The following RMDN2 variants were observed in gnomAD, a reference collection of about 807,000 sequenced individuals.
RMDN2 encodes regulator of microtubule dynamics protein 2.
RMDN2 carries 61 observed loss-of-function variants against 52.8 expected under a neutral mutation model. The observed-to-expected ratio is 1.16, with a 90% CI of 0.94 to 1.43. RMDN2 has a LOEUF of 1.43. Among genes scored for constraint, RMDN2 ranks in the 40% most tolerant of loss-of-function variants. RMDN2 has a pLI of 0.00. For synonymous variants in RMDN2, 180 were observed against 153.1 expected (o/e 1.18, Z -1.30); for missense variants, 592 against 475.3 (o/e 1.25, Z -2.28).
chr2:37,982,352 G>A (rs1167739381), intron 5 of RMDN2, among the ~76,000 whole-genome samples: 1 of 152,102 alleles, frequency 6.6e-6, no homozygotes, highest in East Asian at 1.9e-4. Flanking sequence ...CATTTTATTT[G>A]TCCGAACTCA....
chr2:37,962,273 C>T (rs1263133180), intron 2 of RMDN2, among the ~76,000 whole-genome samples: 1 of 152,232 alleles, frequency 6.6e-6, no homozygotes, highest in Non-Finnish European at 1.5e-5. Flanking sequence ...ACGTTTAAGT[C>T]TGCTGAAGCT....
intron 4 of RMDN2, among the ~76,000 whole-genome samples, chr2:37,980,501 G>A (rs996537510): frequency 1.3e-5 from 2 of 151,938 alleles, no homozygotes; most frequent in Admixed American, 6.5e-5. Flanking sequence ...ACAGGGTTTC[G>A]CCATGTTGGC....
intron 2 of RMDN2, among the ~76,000 whole-genome samples, chr2:37,939,337 C>A (rs562024785): frequency 6.6e-6 from 1 of 151,964 alleles, no homozygotes; most frequent in South Asian, 2.1e-4. Flanking sequence ...GGAATAAGTG[C>A]GGTGTGGTGC....
rs192231429 is a variant in RMDN2, at chr2:37,990,119, G to A, written c.867+503G>A. Among the ~76,000 whole-genome samples the A allele has an allele frequency of 5.3e-4, 77 of 145,538 alleles. 2 individuals are homozygous for A. The highest frequency in any genetic ancestry group is 7.0e-4 in the Non-Finnish European group (47 of 67,156). On this transcript the variant is annotated intron_variant, in intron 6 of 10. Transcript: ENST00000354545. ...GGTCACGCCACTGCACTCCAGCCTG[G>A]GTGACAGAGTGAGACTCCGTCTGAA...
At chr2:38,008,419 G>A (rs1214401101) in intron 10 of RMDN2, among the ~76,000 whole-genome samples, 2 of 152,182 alleles carry the variant, frequency 1.3e-5, no homozygotes, top group African/African-American at 4.8e-5. Flanking sequence ...ATTTAGGATA[G>A]TTTGCTCTCC....
intron 4 of RMDN2, among the ~76,000 whole-genome samples, chr2:37,976,732 ACTT>A (rs1489865581): frequency 1.3e-5 from 2 of 152,190 alleles, no homozygotes; most frequent in Non-Finnish European, 2.9e-5. Flanking sequence ...ATAAATAAAA[ACTT>A]AACCAAGGAG....
chr2:37,971,871 A>G (rs1278208135), intron 2 of RMDN2, among the ~76,000 whole-genome samples: 1 of 152,142 alleles, frequency 6.6e-6, no homozygotes, highest in South Asian at 2.1e-4. Flanking sequence ...ATCTTATTTA[A>G]TTCTACAAAA....
chr2:38,055,070 A>G (rs558872038), intron 10 of RMDN2, among the ~76,000 whole-genome samples: 32 of 152,306 alleles, frequency 2.1e-4, no homozygotes, highest in African/African-American at 6.0e-4. Flanking sequence ...AGCATTGCTT[A>G]TTATATCTCT....
intron 6 of RMDN2, among the ~76,000 whole-genome samples, chr2:37,990,310 G>C (rs1041776316): frequency 6.6e-6 from 1 of 151,374 alleles, no homozygotes; most frequent in African/African-American, 2.4e-5. Flanking sequence ...CTTGAGGCCA[G>C]GAGTTCGAGA....
chr2:37,995,581 G>C (rs1675432173), intron 7 of RMDN2, among the ~76,000 whole-genome samples: 1 of 152,068 alleles, frequency 6.6e-6, no homozygotes, highest in South Asian at 2.1e-4. Flanking sequence ...GTAATTAATG[G>C]AACAAGAAAA....
intron 2 of RMDN2, among the ~76,000 whole-genome samples, chr2:37,959,930 T>G (rs1180060811): frequency 6.6e-6 from 1 of 151,636 alleles, no homozygotes; most frequent in African/African-American, 2.4e-5. Flanking sequence ...GAGCATGTTT[T>G]TCCATTTCCA....
chr2:37,953,628 T>G (rs1338106213), intron 2 of RMDN2, among the ~76,000 whole-genome samples: 1 of 152,104 alleles, frequency 6.6e-6, no homozygotes. Flanking sequence ...GTTTAACTAT[T>G]GTGAATAATG....
intron 10 of RMDN2, among the ~76,000 whole-genome samples, chr2:38,044,998 C>A (rs534092241): frequency 4.1e-5 from 6 of 147,608 alleles, no homozygotes; most frequent in African/African-American, 1.5e-4. Flanking sequence ...AGCTCTTATT[C>A]TAGATATTTT....
rs1313335546 is a variant in RMDN2 at position 38,017,287 on chromosome 2, T to A, written c.*48T>A. ...AAATCAGATGTGGTCTACCAAAATTTAAATGAATCAAAGTTGTGCTTTTAT... is the reference window on the plus strand; with the variant it reads ...AAATCAGATGTGGTCTACCAAAATTAAAATGAATCAAAGTTGTGCTTTTAT... On this transcript the variant is annotated 3_prime_UTR_variant, in exon 11 of 11. Transcript: ENST00000354545. The A allele has an allele frequency of 2.0e-6, 3 of 1,478,628 alleles. No individual in the cohort carries two copies. In the Admixed American group the frequency reaches 7.5e-5, roughly 37 times the overall value. 91.6% of individuals were successfully genotyped at this position (1,478,628 alleles called of 1,614,324 possible). A position where few individuals can be genotyped will look rare whatever the true frequency, so the allele number is the denominator to read the frequency against.
rs766452674 is a variant in RMDN2 at position 37,974,205 on chromosome 2, C to T, written c.618C>T (p.His206=). The T allele has an allele frequency of 6.2e-7, 1 of 1,609,718 alleles. No homozygotes were observed. The highest frequency in any genetic ancestry group is 8.5e-7 in the Non-Finnish European group (1 of 1,177,946). The change falls in exon 3 of 11, where the codon CAC becomes CAT. Residue 206 remains histidine (H), a synonymous_variant. Coordinates refer to ENST00000354545, the MANE Select transcript of RMDN2 (RefSeq NM_001170791.3). ...KSESFELLRD[H]KEKFRDEIEF... ...AGAGTTTTGAACTACTTCGTGACCA[C>T]AAAGAAAAGGTAAGAGACATAACAA...
At chr2:37,981,795 A>G (rs1461660459) in intron 5 of RMDN2, among the ~76,000 whole-genome samples, 1 of 152,158 alleles carries the variant, frequency 6.6e-6, no homozygotes, top group East Asian at 1.9e-4. Context: ...GAATTTAATT[A>G]GTTAGATTGG....
chr2:37,982,521 T>A (rs1673459542), intron 5 of RMDN2, among the ~76,000 whole-genome samples: 1 of 152,132 alleles, frequency 6.6e-6, no homozygotes, highest in South Asian at 2.1e-4. Flanking sequence ...AGTCTCTTCC[T>A]CCCTCTGGTG....
At chr2:38,066,936 C>G in intron 10 of RMDN2, 2 of 1,608,616 alleles carry the variant, frequency 1.2e-6, no homozygotes, top group Non-Finnish European at 1.7e-6. Flanking sequence ...AGTTTCAATG[C>G]CATTTTGTGC....
chr2:37,944,332 CA>C (rs55892088), intron 2 of RMDN2, among the ~76,000 whole-genome samples: 109,572 of 135,352 alleles, frequency 0.81, 44,072 homozygotes, highest in African/African-American at 0.89. Context: ...CAGCCAATCT[CA>C]AAAAAAAAAA....
Sources: gnomAD v4.1 joint callset for allele counts (sites outside exome capture counted in the v4.1 genomes callset) on GRCh38, gnomAD v4.1.1 for gene constraint, MANE v1.5 for transcripts, NCBI Gene and HGNC (gene_info 2026-07-23, HGNC 2026-07-21) for gene names.